The following POM121C variants were observed in gnomAD, a reference collection of about 807,000 sequenced individuals.
POM121C encodes the protein POM121 transmembrane nucleoporin C.
POM121C carries 20 observed loss-of-function variants against 66.4 expected under a neutral mutation model. The observed-to-expected ratio is 0.30, with a 90% CI of 0.21 to 0.44. The LOEUF (loss-of-function observed/expected upper bound fraction) is 0.44, where lower values mean the gene tolerates loss of function less well. POM121C is among the 20% of genes least tolerant of loss of function. POM121C has a pLI of 1.00. For synonymous variants in POM121C, 286 were observed against 528.0 expected (o/e 0.54, Z 6.28); for missense variants, 580 against 1,225.7 (o/e 0.47, Z 7.87).
intron 14 of POM121C, 76 bp downstream of exon 14, chr7:75,419,244 A>T (rs1432461280): frequency 2.0e-6 from 3 of 1,513,840 alleles, no homozygotes; most frequent in Non-Finnish European, 2.6e-6. Context: ...GGGGCCTCAG[A>T]GGGCCAGGAG....
chr7:75,466,747 A>G, intron 3 of POM121C, among the ~76,000 whole-genome samples: 1 of 152,100 alleles, frequency 6.6e-6, no homozygotes, highest in South Asian at 2.1e-4. Context: ...CAGACTAATC[A>G]AAGAAAAAAA....
intron 5 of POM121C, among the ~76,000 whole-genome samples, chr7:75,439,872 C>T (rs1445422458): frequency 6.7e-6 from 1 of 148,554 alleles, no homozygotes; most frequent in African/African-American, 2.4e-5. Flanking sequence ...ATTTTACAAA[C>T]CACATAAGGA....
intron 3 of POM121C, among the ~76,000 whole-genome samples, chr7:75,454,269 G>A (rs1791129745): frequency 6.6e-6 from 1 of 152,194 alleles, no homozygotes; most frequent in Admixed American, 6.5e-5. Flanking sequence ...TACCTGAGGG[G>A]TCAGTCAGCA....
intron 3 of POM121C, among the ~76,000 whole-genome samples, chr7:75,471,081 C>T (rs1252917924): frequency 6.6e-6 from 1 of 152,172 alleles, no homozygotes; most frequent in African/African-American, 2.4e-5. Flanking sequence ...CCTTTGAACT[C>T]ATGATGCGTC....
chr7:75,419,242 A>G (rs1196157464), intron 14 of POM121C, 78 bp downstream of exon 14: 1 of 1,511,872 alleles, frequency 6.6e-7, no homozygotes, highest in South Asian at 1.3e-5. Context: ...ACGGGGCCTC[A>G]GAGGGCCAGG....
intron 1 of POM121C, among the ~76,000 whole-genome samples, chr7:75,481,701 C>G (rs1324859139): frequency 6.6e-6 from 1 of 152,084 alleles, no homozygotes; most frequent in Non-Finnish European, 1.5e-5. Flanking sequence ...TGGCATATGA[C>G]TATACTCCCA....
chr7:75,453,451 G>A (rs1453774972), intron 3 of POM121C, among the ~76,000 whole-genome samples: 5 of 151,162 alleles, frequency 3.3e-5, no homozygotes, highest in African/African-American at 4.9e-5. Flanking sequence ...GCATAGTGGC[G>A]CATGCCTGTA....
At chr7:75,461,719 T>A (rs1791450165) in intron 3 of POM121C, among the ~76,000 whole-genome samples, 1 of 151,862 alleles carries the variant, frequency 6.6e-6, no homozygotes, top group South Asian at 2.1e-4. Context: ...CCAAAACAAA[T>A]CTTAAGAAAT....
intron 1 of POM121C, among the ~76,000 whole-genome samples, chr7:75,477,509 A>G (rs1792136290): frequency 6.6e-6 from 1 of 152,162 alleles, no homozygotes; most frequent in South Asian, 2.1e-4. Flanking sequence ...TTACTTTATA[A>G]ATATGCAATC....
At chr7:75,462,260 C>T (rs1480884040) in intron 3 of POM121C, among the ~76,000 whole-genome samples, 33 of 152,056 alleles carry the variant, frequency 2.2e-4, no homozygotes, top group Non-Finnish European at 3.2e-4. Context: ...TCTCCCCTCT[C>T]TCCTGCCAGC....
chr7:75,463,223 T>C (rs1366894128), intron 3 of POM121C, among the ~76,000 whole-genome samples: 8 of 152,060 alleles, frequency 5.3e-5, no homozygotes, highest in Non-Finnish European at 1.2e-4. Context: ...CACAAGCCTG[T>C]AATCCCTGCT....
chr7:75,473,971 A>G (rs1238640128), intron 3 of POM121C, among the ~76,000 whole-genome samples: 2 of 152,162 alleles, frequency 1.3e-5, no homozygotes, highest in African/African-American at 2.4e-5. Context: ...TACAGGCGTT[A>G]GCCACCGCGC....
intron 3 of POM121C, among the ~76,000 whole-genome samples, chr7:75,462,587 C>T (rs1791479864): frequency 6.6e-6 from 1 of 152,146 alleles, no homozygotes; most frequent in Admixed American, 6.5e-5. Flanking sequence ...TTGAAGGCAG[C>T]AGAGCAGACC....
At position 75,417,137 on chromosome 7, in the gene POM121C, G is replaced by C. The variant is rs1428237599; in HGVS notation, c.*1659C>G. ...AGGCTTGAGGTTCACTCCCTCCTCA[G>C]CTGCACACGCAGCCAGGTATAACAC... On this transcript the variant is annotated 3_prime_UTR_variant, in exon 15 of 15. Coordinates refer to ENST00000615331, the MANE Select transcript of POM121C (RefSeq NM_001099415.3). The C allele has an allele frequency of 9.9e-7, 1 of 1,005,090 alleles. No individual in the cohort carries two copies. Among genetic ancestry groups the C allele is most frequent in the Non-Finnish European group, 1.2e-6 (1 of 838,944 alleles). The allele number at this position is 1,005,090 out of a possible 1,614,324, so 62.3% of individuals were successfully genotyped here. A position where few individuals can be genotyped will look rare whatever the true frequency, so the allele number is the denominator to read the frequency against.
At chr7:75,441,402 G>C in intron 4 of POM121C, 30 bp downstream of exon 4, 1 of 1,610,672 alleles carries the variant, frequency 6.2e-7, no homozygotes, top group Non-Finnish European at 8.5e-7. Flanking sequence ...ACACGAAAAG[G>C]GAGAGTATTC....
At chr7:75,435,865 C>G (rs1318781399) in intron 7 of POM121C, among the ~76,000 whole-genome samples, 1 of 152,164 alleles carries the variant, frequency 6.6e-6, no homozygotes, top group Non-Finnish European at 1.5e-5. Context: ...GCCTGGCCAA[C>G]ATGTTGAAAC....
intron 12 of POM121C, 84 bp downstream of exon 12, chr7:75,423,965 G>T: frequency 1.3e-6 from 2 of 1,515,322 alleles, no homozygotes; most frequent in Non-Finnish European, 9.1e-7. Context: ...AATCTCCAGC[G>T]ACTGACAGGC....
At chr7:75,485,216 A>C (rs1792476351) in intron 1 of POM121C, among the ~76,000 whole-genome samples, 1 of 152,212 alleles carries the variant, frequency 6.6e-6, no homozygotes, top group Admixed American at 6.5e-5. Flanking sequence ...GTGAGCTCTC[A>C]GAAATGAAAT....
At chr7:75,461,322 C>T (rs1554476987) in intron 3 of POM121C, among the ~76,000 whole-genome samples, 2 of 152,094 alleles carry the variant, frequency 1.3e-5, no homozygotes, top group Non-Finnish European at 2.9e-5. Context: ...ACCAATGGAA[C>T]CTAACTGACA....
Sources: gnomAD v4.1 joint callset for allele counts (sites outside exome capture counted in the v4.1 genomes callset) on GRCh38, gnomAD v4.1.1 for gene constraint, MANE v1.5 for transcripts, NCBI Gene and HGNC (gene_info 2026-07-23, HGNC 2026-07-21) for gene names.